The following PRSS35 variants were observed in gnomAD, a reference collection of about 807,000 sequenced individuals.
PRSS35 encodes the protein inactive serine protease 35.
PRSS35 carries 7 observed loss-of-function variants against 8.1 expected under a neutral mutation model. The ratio of observed to expected loss-of-function variants is 0.86; its 90% CI spans 0.49 to 1.62. The LOEUF is 1.62. Ranked by LOEUF, PRSS35 falls within the 40% of genes most tolerant of loss-of-function variation. The pLI, the probability that PRSS35 is intolerant of heterozygous loss-of-function variation, is 0.00. For missense variants in PRSS35, 566 were observed against 518.0 expected, an observed-to-expected ratio of 1.09 and a Z score of -0.90; for synonymous variants, 199 against 188.7, an observed-to-expected ratio of 1.05 and a Z score of -0.45.
Position 83,524,212 on chromosome 6 carries a change from C to G in PRSS35, c.771C>G (p.Thr257=). The G allele has an allele frequency of 6.2e-7, 1 of 1,614,058 alleles. No individual in the cohort carries two copies. Among genetic ancestry groups the G allele is most frequent in the Non-Finnish European group, 8.5e-7 (1 of 1,180,010 alleles). ...PSFQWTRVKN[T]HIPKGWARGG... ...TTCAGTGGACCCGGGTCAAGAATAC[C>G]CACATTCCGAAGGGCTGGGCACGAG... The change falls in exon 2 of 2, where the codon ACC becomes ACG. Residue 257 remains threonine, a synonymous_variant. Coordinates refer to ENST00000369700, the MANE Select transcript of PRSS35 (RefSeq NM_153362.3).
At position 83,523,608 on chromosome 6, in the gene PRSS35, T is replaced by C. The variant is rs189815403; in HGVS notation, c.167T>C (p.Met56Thr). The C allele has an allele frequency of 3.2e-5, 52 of 1,614,190 alleles. No homozygotes were observed. In the South Asian group the frequency reaches 4.2e-4, roughly 13 times the overall value. ...TSPAFEADAKMMVNTVCGIEC... is the reference protein window; with the variant it reads ...TSPAFEADAKTMVNTVCGIEC... ...CCCGCATTTGAGGCAGATGCTAAGATGATGGTAAATACAGTGTGTGGCATC... is the reference window on the plus strand; with the variant it reads ...CCCGCATTTGAGGCAGATGCTAAGACGATGGTAAATACAGTGTGTGGCATC... Residue 56 changes from methionine (M) to threonine (T), a missense_variant, in exon 2 of 2, where the codon ATG becomes ACG. Physicochemically the swap from Met to Thr is moderately conservative, Grantham distance 81 (BLOSUM62 -1). Transcript: ENST00000369700.
chr6:83,514,635 G>A (rs1301285609), intron 1 of PRSS35, among the ~76,000 whole-genome samples: 1 of 152,116 alleles, frequency 6.6e-6, no homozygotes, highest in Non-Finnish European at 1.5e-5. Flanking sequence ...CTTTAGTAAT[G>A]GATTATAAAG....
At chr6:83,515,173 CT>C (rs1472916464) in intron 1 of PRSS35, among the ~76,000 whole-genome samples, 4 of 152,128 alleles carry the variant, frequency 2.6e-5, no homozygotes, top group Non-Finnish European at 5.9e-5. Flanking sequence ...TTGTGGTTTA[CT>C]CTAGAACTTT....
chr6:83,523,540 G>C lies in PRSS35; in HGVS notation c.99G>C (p.Lys33Asn), dbSNP rs1326278120. The change falls in exon 2 of 2, where the codon AAG (lysine) becomes AAC (asparagine). Residue 33 changes from lysine to asparagine, a missense_variant. Physicochemically the swap from Lys to Asn is moderately conservative, Grantham distance 94. Coordinates refer to ENST00000369700, the MANE Select transcript of PRSS35 (RefSeq NM_153362.3). ...MEWDFMWHLR[K>N]VPRIVSERTF... ...GGGATTTTATGTGGCACTTGAGAAA[G>C]GTACCCCGGATTGTCAGTGAAAGGA... 1 of 1,614,048 alleles carries C rather than the reference G, an allele frequency of 6.2e-7. No individual in the cohort carries two copies. The highest frequency in any genetic ancestry group is 8.5e-7 in the Non-Finnish European group (1 of 1,180,040).
intron 1 of PRSS35, among the ~76,000 whole-genome samples, chr6:83,523,060 T>C (rs1451831849): frequency 1.3e-5 from 2 of 152,336 alleles, no homozygotes; most frequent in South Asian, 2.1e-4. Context: ...TAAAAAGTTG[T>C]AGGATATCTA....
chr6:83,518,808 C>G (rs1400908110), intron 1 of PRSS35, among the ~76,000 whole-genome samples: 3 of 152,206 alleles, frequency 2.0e-5, no homozygotes, highest in Non-Finnish European at 4.4e-5. Context: ...TTACTATCCT[C>G]TGGGCTCAGT....
chr6:83,522,515 A>G (rs779006744), intron 1 of PRSS35, among the ~76,000 whole-genome samples: 25 of 152,198 alleles, frequency 1.6e-4, no homozygotes, highest in Non-Finnish European at 2.5e-4. Flanking sequence ...TTAGATGGTG[A>G]GACCTACGGT....
chr6:83,523,526 T>C lies in PRSS35; in HGVS notation c.85T>C (p.Trp29Arg). 5.0e-6 allele frequency: 8 copies of C among 1,614,210 alleles called. No individual in the cohort carries two copies. The highest frequency in any genetic ancestry group is 1.6e-4 in the Middle Eastern group (1 of 6,062). Reference sequence around the variant, plus strand: ...ATCTGAAATGGAATGGGATTTTATGTGGCACTTGAGAAAGGTACCCCGGAT... The same window carrying C: ...ATCTGAAATGGAATGGGATTTTATGCGGCACTTGAGAAAGGTACCCCGGAT... ...DGSEMEWDFM[W>R]HLRKVPRIVS... The change falls in exon 2 of 2, where the codon TGG (tryptophan) becomes CGG (arginine). Residue 29 changes from tryptophan (W) to arginine (R), a missense_variant. Transcript: ENST00000369700.
chr6:83,524,606 G>C lies in PRSS35; in HGVS notation c.1165G>C (p.Val389Leu), dbSNP rs1771901936. The C allele has an allele frequency of 6.2e-7, 1 of 1,614,016 alleles. No homozygotes were observed. ...HGVQKDYNVA[V>L]RITPLKYAQI... ...GGTTCAGAAGGACTACAACGTTGCTGTTCGCATCACTCCCCTAAAATACGC... is the reference window on the plus strand; with the variant it reads ...GGTTCAGAAGGACTACAACGTTGCTCTTCGCATCACTCCCCTAAAATACGC... The change falls in exon 2 of 2, where the codon GTT becomes CTT. Residue 389 changes from valine to leucine, a missense_variant. By Grantham distance (32) the Val-to-Leu change is conservative. Coordinates refer to ENST00000369700, the MANE Select transcript of PRSS35 (RefSeq NM_153362.3).
At chr6:83,520,109 G>GT in intron 1 of PRSS35, among the ~76,000 whole-genome samples, 1 of 152,254 alleles carries the variant, frequency 6.6e-6, no homozygotes. Context: ...AGTTATGTTT[G>GT]TTTTTTATTA....
intron 1 of PRSS35, among the ~76,000 whole-genome samples, chr6:83,515,149 T>C (rs186665121): frequency 8.7e-4 from 132 of 152,316 alleles, no homozygotes; most frequent in Middle Eastern, 3.4e-3. Context: ...AGTAAATTAC[T>C]TGTGTTTTCT....
intron 1 of PRSS35, 59 bp from the exon 2 acceptor site, chr6:83,523,363 T>A: frequency 7.6e-7 from 1 of 1,318,050 alleles, no homozygotes; most frequent in Non-Finnish European, 1.1e-6. Context: ...CTGAATGAAA[T>A]GGATAAGTAA....
At chr6:83,516,001 G>A (rs1771705681) in intron 1 of PRSS35, among the ~76,000 whole-genome samples, 1 of 151,782 alleles carries the variant, frequency 6.6e-6, no homozygotes, top group African/African-American at 2.4e-5. Flanking sequence ...TTTTAGCAGA[G>A]ACGGGGTTTC....
chr6:83,523,093 G>A (rs1240994354), intron 1 of PRSS35, among the ~76,000 whole-genome samples: 1 of 152,176 alleles, frequency 6.6e-6, no homozygotes, highest in East Asian at 1.9e-4. Context: ...TGGCTTAGCC[G>A]ACAGAGGATT....
Position 83,524,128 on chromosome 6 carries a change from T to C in PRSS35, c.687T>C (p.Gly229=). The C allele has an allele frequency of 6.2e-7, 1 of 1,613,024 alleles. No homozygotes were observed. Among genetic ancestry groups the C allele is most frequent in the Non-Finnish European group, 8.5e-7 (1 of 1,179,748 alleles). The part of the protein sequence containing the change: ...TREHLRERAK[G]GRRRKKSGRG... ...AGCATCTGCGGGAGAGAGCGAAGGG[T>C]GGGAGAAGAAGAAAAAAATCTGGCC... is the stretch of plus-strand genomic sequence containing the variant. The change falls in exon 2 of 2, where the codon GGT becomes GGC. Residue 229 remains glycine (G), a synonymous_variant. Coordinates refer to ENST00000369700, the MANE Select transcript of PRSS35 (RefSeq NM_153362.3).
chr6:83,516,702 T>C (rs1771725801), intron 1 of PRSS35, among the ~76,000 whole-genome samples: 2 of 152,098 alleles, frequency 1.3e-5, no homozygotes, highest in Non-Finnish European at 2.9e-5. Flanking sequence ...TTCTGGAAGT[T>C]CTAGGAAATA....
chr6:83,518,847 T>C (rs1771770481), intron 1 of PRSS35, among the ~76,000 whole-genome samples: 1 of 151,882 alleles, frequency 6.6e-6, no homozygotes, highest in Admixed American at 6.6e-5. Context: ...TCATCTCATT[T>C]AATCTCCATA....
At chr6:83,517,534 C>T (rs1225489549) in intron 1 of PRSS35, among the ~76,000 whole-genome samples, 4 of 152,098 alleles carry the variant, frequency 2.6e-5, no homozygotes, top group African/African-American at 9.7e-5. Context: ...TGCTTTATTC[C>T]TGTTTATGTC....
rs1047719200 is a variant in PRSS35, at chr6:83,524,299, C to G, written c.858C>G (p.His286Gln). The change falls in exon 2 of 2, where the codon CAC becomes CAG. Residue 286 changes from histidine (H) to glutamine (Q), a missense_variant. Transcript: ENST00000369700. ...DYALLELKRAHKKKYMELGIS... is the reference protein window; with the variant it reads ...DYALLELKRAQKKKYMELGIS... ...CTCTTCTGGAGCTGAAGCGTGCTCA[C>G]AAAAAGAAATACATGGAACTTGGAA... 1.2e-6 allele frequency: 2 copies of G among 1,613,948 alleles called. No homozygotes were observed. Among genetic ancestry groups the G allele is most frequent in the Non-Finnish European group, 1.7e-6 (2 of 1,179,984 alleles).
Sources: allele counts gnomAD v4.1 joint callset (sites outside exome capture counted in the v4.1 genomes callset), GRCh38; gene constraint gnomAD v4.1.1; transcripts MANE v1.5; gene names NCBI Gene and HGNC (gene_info 2026-07-23, HGNC 2026-07-21).